The following PIK3C2G variants were observed in gnomAD, a reference collection of about 807,000 sequenced individuals.
PIK3C2G encodes the protein phosphatidylinositol-4-phosphate 3-kinase catalytic subunit type 2 gamma.
A neutral mutation model predicts 181.1 loss-of-function variants in PIK3C2G; 168 were observed. That is an observed-to-expected ratio of 0.93 (90% CI 0.82 to 1.05). The LOEUF (loss-of-function observed/expected upper bound fraction) is 1.05, where lower values mean the gene tolerates loss of function less well. Ranked by LOEUF, PIK3C2G falls within the 50% of genes least tolerant of loss-of-function variation. The pLI is 0.00. For synonymous variants in PIK3C2G, 573 were observed against 592.2 expected, an observed-to-expected ratio of 0.97 and a Z score of 0.47; for missense variants, 1,869 against 1,732.8, an observed-to-expected ratio of 1.08 and a Z score of -1.40.
intron 5 of PIK3C2G, among the ~76,000 whole-genome samples, chr12:18,301,918 A>G (rs987635490): frequency 6.6e-6 from 1 of 152,174 alleles, no homozygotes; most frequent in Non-Finnish European, 1.5e-5. Context: ...ATACAACTTC[A>G]GCATTCTTTC....
rs182723286 is a variant in PIK3C2G at position 18,352,826 on chromosome 12, G to A, written c.1625+5990G>A. On this transcript the variant is annotated intron_variant, in intron 11 of 32. Transcript: ENST00000538779. ...GATCCCGCTGTCAAGCCACCCCTCT[G>A]AAGTCAAGCTGCATCTTGCCGATGT... 2.0e-5 allele frequency among the ~76,000 whole-genome samples: 3 copies of A among 152,268 alleles called. No homozygotes were observed. In the East Asian group the frequency reaches 5.8e-4, roughly 30 times the overall value.
chr12:18,640,939 T>C lies in PIK3C2G; in HGVS notation c.4308+385T>C, dbSNP rs188383735. On this transcript the variant is annotated intron_variant, in intron 32 of 32. Coordinates refer to ENST00000538779, the MANE Select transcript of PIK3C2G (RefSeq NM_001288772.2). Reference sequence around the variant, plus strand: ...AACAGTAAATCTCATAAAATCTCTTTTGAAAAACTAAAAAAATAAATACAA... The same window carrying C: ...AACAGTAAATCTCATAAAATCTCTTCTGAAAAACTAAAAAAATAAATACAA... Among the ~76,000 whole-genome samples, 503 of 152,270 alleles carry C rather than the reference T, an allele frequency of 3.3e-3. 2 individuals are homozygous for C. Among genetic ancestry groups the C allele is most frequent in the African/African-American group, 0.011 (463 of 41,552 alleles).
At chr12:18,723,680 A>T in the PIK3C2G span, 1 of 802,684 alleles carries the variant, frequency 1.2e-6, no homozygotes, top group Admixed American at 2.4e-5. Context: ...TTGAAGATAA[A>T]ATATACAAAG....
In PIK3C2G at chr12:18,404,600, G is replaced by A. The variant is rs149093380; in HGVS notation, c.2315+4753G>A. ...ATAGGAATTTTCTGAGTGGAGAAGC[G>A]GGGAAATGACATTCCAAGAAGGAAG... On this transcript the variant is annotated intron_variant, in intron 16 of 32. Coordinates refer to ENST00000538779, the MANE Select transcript of PIK3C2G (RefSeq NM_001288772.2). 2.2e-3 allele frequency among the ~76,000 whole-genome samples: 330 copies of A among 152,286 alleles called. 1 individual carries two copies. The highest frequency in any genetic ancestry group is 7.3e-3 in the African/African-American group (302 of 41,568).
At position 18,582,445 on chromosome 12, in the gene PIK3C2G, T is replaced by A. The variant is rs572207310; in HGVS notation, c.4012-12049T>A. Among the ~76,000 whole-genome samples the A allele has an allele frequency of 7.9e-5, 12 of 152,136 alleles. No individual in the cohort carries two copies. In the East Asian group the frequency reaches 2.3e-3, roughly 30 times the overall value. ...CTTCAGTCTGACAGACTGAGCTACG[T>A]AGAATCTTGGCGGAGCGGCCACTAA... On this transcript the variant is annotated intron_variant, in intron 29 of 32. Transcript: ENST00000538779.
At chr12:18,574,024 A>G (rs1341066553) in intron 29 of PIK3C2G, among the ~76,000 whole-genome samples, 2 of 152,160 alleles carry the variant, frequency 1.3e-5, no homozygotes, top group African/African-American at 4.8e-5. Context: ...CTATATATGC[A>G]CAGAACATAC....
At chr12:18,395,653 T>C (rs1000938540) in intron 15 of PIK3C2G, among the ~76,000 whole-genome samples, 1 of 150,684 alleles carries the variant, frequency 6.6e-6, no homozygotes, top group African/African-American at 2.4e-5. Context: ...AAAAAGTGAT[T>C]GAAGAAAAAT....
chr12:18,679,133 C>T, the PIK3C2G span, among the ~76,000 whole-genome samples: 8 of 152,042 alleles, frequency 5.3e-5, no homozygotes, highest in Non-Finnish European at 8.8e-5. Context: ...TTCCTTTTGG[C>T]AAGTGCCTGT....
At chr12:18,304,631 C>G (rs1950343398) in intron 5 of PIK3C2G, among the ~76,000 whole-genome samples, 1 of 152,132 alleles carries the variant, frequency 6.6e-6, no homozygotes, top group Non-Finnish European at 1.5e-5. Flanking sequence ...AAAAATAAAA[C>G]TATTAATTAC....
chr12:18,415,609 G>A (rs1485602140), intron 16 of PIK3C2G, among the ~76,000 whole-genome samples: 1 of 152,174 alleles, frequency 6.6e-6, no homozygotes, highest in Non-Finnish European at 1.5e-5. Flanking sequence ...AGCCTAAAAC[G>A]ATTAAGCATA....
intron 22 of PIK3C2G, among the ~76,000 whole-genome samples, chr12:18,500,926 A>G (rs1941422698): frequency 6.6e-6 from 1 of 151,862 alleles, no homozygotes; most frequent in African/African-American, 2.4e-5. Flanking sequence ...GGGACCACGA[A>G]CCCACCGGGA....
the PIK3C2G span, among the ~76,000 whole-genome samples, chr12:18,724,559 G>A: frequency 6.6e-6 from 1 of 152,000 alleles, no homozygotes; most frequent in Non-Finnish European, 1.5e-5. Context: ...TGGGATCTGT[G>A]GTTGTCAAAT....
the PIK3C2G span, chr12:18,705,187 A>G: frequency 6.2e-7 from 1 of 1,614,074 alleles, no homozygotes; most frequent in Non-Finnish European, 8.5e-7. Context: ...GTAGAGTATC[A>G]GGAAAATCAT....
intron 30 of PIK3C2G, among the ~76,000 whole-genome samples, chr12:18,601,656 C>T (rs1947721564): frequency 6.6e-6 from 1 of 152,040 alleles, no homozygotes; most frequent in Non-Finnish European, 1.5e-5. Context: ...ATTGATACTT[C>T]TAGTCTATGG....
At position 18,286,911 on chromosome 12, in the gene PIK3C2G, T is replaced by C; in HGVS notation, c.743T>C (p.Phe248Ser). ...PQSSNTSLAS[F>S]CNKVKKIRER... is the part of the protein sequence containing the mutation. The stretch of plus-strand genomic sequence containing the variant: ...AGCAGCAATACGAGTCTGGCCTCTT[T>C]TTGCAACAAAGTAAAAAAGTGAGTA... Residue 248 changes from phenylalanine (F) to serine (S), a missense_variant, in exon 3 of 33, where the codon TTT becomes TCT. Phe to Ser is a radical substitution (Grantham distance 155). Coordinates refer to ENST00000538779, the MANE Select transcript of PIK3C2G (RefSeq NM_001288772.2). 4 of 1,565,612 alleles carry C rather than the reference T, an allele frequency of 2.6e-6. No individual in the cohort carries two copies. The highest frequency in any genetic ancestry group is 3.5e-6 in the Non-Finnish European group (4 of 1,154,468).
the PIK3C2G span, among the ~76,000 whole-genome samples, chr12:18,692,316 G>A: frequency 1.4e-3 from 218 of 152,230 alleles, no homozygotes; most frequent in Middle Eastern, 6.8e-3. Context: ...CAAACAACAG[G>A]TACAGTTATA....
chr12:18,450,698 G>C (rs12227918), intron 18 of PIK3C2G, among the ~76,000 whole-genome samples: 1 of 151,940 alleles, frequency 6.6e-6, no homozygotes, highest in African/African-American at 2.4e-5. Context: ...TTTCTTCTAG[G>C]GTTTTTATGG....
At chr12:18,593,902 A>G (rs1198461165) in intron 29 of PIK3C2G, among the ~76,000 whole-genome samples, 1 of 151,704 alleles carries the variant, frequency 6.6e-6, no homozygotes, top group Non-Finnish European at 1.5e-5. Flanking sequence ...GTCTTGATAT[A>G]TCCCCTGATT....
intron 1 of PIK3C2G, among the ~76,000 whole-genome samples, chr12:18,254,889 A>T (rs896386169): frequency 5.9e-5 from 9 of 151,644 alleles, no homozygotes; most frequent in Admixed American, 1.3e-4. Flanking sequence ...TAATTTAAAA[A>T]ATTTAAATTT....
Sources: allele counts gnomAD v4.1 joint callset (sites outside exome capture counted in the v4.1 genomes callset), GRCh38; gene constraint gnomAD v4.1.1; transcripts MANE v1.5; gene names NCBI Gene and HGNC (gene_info 2026-07-23, HGNC 2026-07-21).